Variants in PACRG observed in about 807,000 individuals in gnomAD.
PACRG encodes parkin coregulated, also known as parkin coregulated gene protein.
PACRG carries 29 observed loss-of-function variants against 29.7 expected under a neutral mutation model. The observed-to-expected ratio is 0.98, with a 90% CI of 0.73 to 1.33. The LOEUF is 1.33. Ranked by LOEUF, PACRG falls within the 40% of genes most tolerant of loss-of-function variation. The pLI, the probability that PACRG is intolerant of heterozygous loss-of-function variation, is 0.00. For synonymous variants in PACRG, 116 were observed against 118.7 expected, an observed-to-expected ratio of 0.98 and a Z score of 0.15; for missense variants, 279 against 316.2, an observed-to-expected ratio of 0.88 and a Z score of 0.89.
chr6:163,167,196 A>G lies in PACRG; in HGVS notation c.613+77788A>G, dbSNP rs2065085599. Among the ~76,000 whole-genome samples, 3 of 152,356 alleles carry G rather than the reference A, an allele frequency of 2.0e-5. No individual in the cohort carries two copies. In the South Asian group the frequency reaches 6.2e-4, roughly 32 times the overall value. ...CCATTATGATTTCTACCTACCAGAC[A>G]GAAGAAACCTTAAGCTTATAGTTTG... is the stretch of plus-strand genomic sequence containing the variant. On this transcript the variant is annotated intron_variant, in intron 4 of 4. Coordinates refer to ENST00000366888, the MANE Select transcript of PACRG (RefSeq NM_001080379.2).
At chr6:163,228,354 T>C (rs1437233062) in intron 4 of PACRG, among the ~76,000 whole-genome samples, 2 of 90,900 alleles carry the variant, frequency 2.2e-5, no homozygotes, top group Non-Finnish European at 4.0e-5. Context: ...TGGAGGCAGA[T>C]AAGCTTTGGA....
chr6:163,126,849 G>T lies in PACRG; in HGVS notation c.613+37441G>T, dbSNP rs1816535205. Reference sequence around the variant, plus strand: ...TTCTTCTTGTTTTGCTCAGCTCTGAGCTGCTGGCAGGTGTTGACCCGAAGG... The same window carrying T: ...TTCTTCTTGTTTTGCTCAGCTCTGATCTGCTGGCAGGTGTTGACCCGAAGG... On this transcript the variant is annotated intron_variant, in intron 4 of 4. Transcript: ENST00000366888. Among the ~76,000 whole-genome samples, 4 of 152,220 alleles carry T rather than the reference G, an allele frequency of 2.6e-5. No individual in the cohort carries two copies. The South Asian group carries it at 8.3e-4, about 31-fold the overall frequency.
At chr6:162,798,859 T>C (rs1041632) in intron 1 of PACRG, among the ~76,000 whole-genome samples, 80,693 of 152,094 alleles carry the variant, frequency 0.53, 22,408 homozygotes, top group African/African-American at 0.7. Flanking sequence ...GTGAATTACT[T>C]ATACAAGTAT....
chr6:163,210,629 A>T (rs1378779851), intron 4 of PACRG, among the ~76,000 whole-genome samples: 1 of 152,250 alleles, frequency 6.6e-6, no homozygotes, highest in Non-Finnish European at 1.5e-5. Context: ...TGGTTAACGC[A>T]TACTGAAGCA....
intron 4 of PACRG, among the ~76,000 whole-genome samples, chr6:163,141,365 T>C (rs1817143898): frequency 6.6e-6 from 1 of 151,360 alleles, no homozygotes; most frequent in African/African-American, 2.4e-5. Flanking sequence ...AAGACTGAGA[T>C]ACCAGAAATA....
rs117646076 is a variant in PACRG, at chr6:163,259,326, C to T, written c.614-55501C>T. ...GATTGGAAAGGGTTCTTCTGGAATC[C>T]CCATGCTCCCCAATGCCACTTCCTA... is the stretch of plus-strand genomic sequence containing the variant. On this transcript the variant is annotated intron_variant, in intron 4 of 4. Transcript: ENST00000366888. Among the ~76,000 whole-genome samples, 948 of 152,224 alleles carry T rather than the reference C, an allele frequency of 6.2e-3. 5 individuals carry two copies. Among genetic ancestry groups the T allele is most frequent in the Non-Finnish European group, 9.9e-3 (673 of 68,018 alleles).
Position 163,062,308 on chromosome 6 carries a change from T to G in PACRG, c.450T>G (p.Ile150Met). Residue 150 changes from isoleucine (I) to methionine (M), a missense_variant, in exon 3 of 5, where the codon ATT becomes ATG. By Grantham distance (10) the Ile-to-Met change is conservative. Transcript: ENST00000366888. Reference sequence around the variant, plus strand: ...TCCTACCTGTCCTTCCACAGCTCATTATCCCGATAAAAAGTAAGTGAACCG... The same window carrying G: ...TCCTACCTGTCCTTCCACAGCTCATGATCCCGATAAAAAGTAAGTGAACCG... ...NKILPVLPQL[I>M]IPIKNALNLR... 1 of 1,610,250 alleles carries G rather than the reference T, an allele frequency of 6.2e-7. No individual in the cohort carries two copies. The highest frequency in any genetic ancestry group is 8.5e-7 in the Non-Finnish European group (1 of 1,178,886).
chr6:163,150,953 A>T (rs1265594519), intron 4 of PACRG, among the ~76,000 whole-genome samples: 2 of 152,240 alleles, frequency 1.3e-5, no homozygotes, highest in Non-Finnish European at 2.9e-5. Context: ...TTCAAAAACC[A>T]GTTTCTGACC....
intron 4 of PACRG, among the ~76,000 whole-genome samples, chr6:163,171,719 A>G (rs1424811979): frequency 2.0e-5 from 3 of 152,228 alleles, no homozygotes; most frequent in African/African-American, 4.8e-5. Context: ...AGATGTATAC[A>G]GAGGACTGAA....
At chr6:162,766,336 T>G (rs1238277477) in intron 1 of PACRG, among the ~76,000 whole-genome samples, 1 of 152,202 alleles carries the variant, frequency 6.6e-6, no homozygotes, top group African/African-American at 2.4e-5. Flanking sequence ...CTGGCTTATT[T>G]CGCTTGATGT....
intron 4 of PACRG, among the ~76,000 whole-genome samples, chr6:163,180,873 C>T (rs1168078874): frequency 6.6e-6 from 1 of 152,192 alleles, no homozygotes; most frequent in Non-Finnish European, 1.5e-5. Context: ...CACCAGGCAC[C>T]GAGCGTTGTG....
chr6:162,878,244 A>T (rs551543855), intron 2 of PACRG, among the ~76,000 whole-genome samples: 14 of 152,348 alleles, frequency 9.2e-5, no homozygotes, highest in Admixed American at 7.2e-4. Context: ...AAAAATTGAC[A>T]TTATGACACA....
chr6:162,811,710 T>C (rs1413006072), intron 1 of PACRG, among the ~76,000 whole-genome samples: 24 of 152,170 alleles, frequency 1.6e-4, no homozygotes, highest in Non-Finnish European at 2.9e-5. Flanking sequence ...CCATATGACC[T>C]TTAAAGGTGG....
intron 2 of PACRG, among the ~76,000 whole-genome samples, chr6:162,966,928 G>A (rs1343888998): frequency 1.3e-5 from 2 of 152,096 alleles, no homozygotes; most frequent in African/African-American, 4.8e-5. Context: ...AGAAATTTGT[G>A]TAATTACATC....
chr6:163,017,603 G>A (rs1298835981), intron 2 of PACRG, among the ~76,000 whole-genome samples: 2 of 151,776 alleles, frequency 1.3e-5, no homozygotes, highest in Non-Finnish European at 2.9e-5. Context: ...TGAATGCAGA[G>A]AAATAGAAAA....
chr6:163,042,709 A>T (rs1245600567), intron 2 of PACRG: 1 of 152,016 alleles, frequency 6.6e-6, no homozygotes, highest in African/African-American at 2.4e-5. Flanking sequence ...TGTAAAAAAA[A>T]AAAAAAGAGA....
At chr6:162,841,684 T>C (rs1254496145) in intron 2 of PACRG, among the ~76,000 whole-genome samples, 1 of 148,146 alleles carries the variant, frequency 6.8e-6, no homozygotes, top group East Asian at 2.0e-4. Flanking sequence ...TTAATTGTGA[T>C]GTTAGGGTGT....
At chr6:162,886,212 T>A (rs1794321054) in intron 2 of PACRG, among the ~76,000 whole-genome samples, 9 of 152,160 alleles carry the variant, frequency 5.9e-5, no homozygotes. Context: ...CATGAGCCAT[T>A]GCCCCCGGGC....
chr6:163,105,897 G>A (rs1815355222), intron 4 of PACRG, among the ~76,000 whole-genome samples: 1 of 152,112 alleles, frequency 6.6e-6, no homozygotes, highest in South Asian at 2.1e-4. Context: ...CATTGCTGGA[G>A]TAGAGATTTA....
Sources: gnomAD v4.1 joint callset for allele counts (sites outside exome capture counted in the v4.1 genomes callset) on GRCh38, gnomAD v4.1.1 for gene constraint, MANE v1.5 for transcripts, NCBI Gene and HGNC (gene_info 2026-07-23, HGNC 2026-07-21) for gene names.